PCDH15: variants seen among roughly 807,000 people sequenced by gnomAD.
PCDH15 encodes the protein protocadherin-15.
PCDH15 carries 129 observed loss-of-function variants against 178.5 expected under a neutral mutation model. The observed-to-expected ratio is 0.72, with a 90% CI of 0.63 to 0.84. The LOEUF (loss-of-function observed/expected upper bound fraction) is 0.84. PCDH15 is among the 40% of genes least tolerant of loss of function. The pLI is 0.00. For synonymous variants in PCDH15, 800 were observed against 732.0 expected (o/e 1.09, Z -1.50); for missense variants, 2,230 against 2,099.9 (o/e 1.06, Z -1.21).
chr10:54,895,747 A>G (rs1954533906), intron 3 of PCDH15, among the ~76,000 whole-genome samples: 1 of 152,166 alleles, frequency 6.6e-6, no homozygotes, highest in South Asian at 2.1e-4. Context: ...AATAGTTCTT[A>G]TTATTTTGAG....
chr10:54,271,262 G>A (rs2058030595), intron 8 of PCDH15, among the ~76,000 whole-genome samples: 1 of 152,106 alleles, frequency 6.6e-6, no homozygotes, highest in Non-Finnish European at 1.5e-5. Context: ...CTAGGCTGAA[G>A]TACAATGGTG....
intron 3 of PCDH15, among the ~76,000 whole-genome samples, chr10:54,427,241 T>C (rs1254362986): frequency 2.0e-5 from 3 of 150,664 alleles, no homozygotes; most frequent in South Asian, 4.2e-4. Context: ...TCTTCAGACT[T>C]TTCCTCTCAT....
rs1403135135 is a variant in PCDH15 at position 55,529,272 on chromosome 10, T to TTTTGGTG, written c.-156+98352_-156+98353insCACCAAA. 1.9e-3 allele frequency among the ~76,000 whole-genome samples: 294 copies of TTTTGGTG among 152,272 alleles called. 10 individuals carry two copies. In the East Asian group the frequency reaches 0.051, roughly 27 times the overall value. ...CAATTTTGGCTTTTGTTGTCATTGCTTCTGGTGTTTTAGACATGAAGTCTT... is the reference window on the plus strand; with the variant it reads ...CAATTTTGGCTTTTGTTGTCATTGCTTTTGGTGTCTGGTGTTTTAGACATGAAGTCTT... On this transcript the variant is annotated intron_variant, in intron 2 of 5. Transcript: ENST00000613346.
intron 14 of PCDH15, among the ~76,000 whole-genome samples, chr10:54,145,319 C>T (rs760753871): frequency 6.6e-6 from 1 of 151,862 alleles, no homozygotes; most frequent in Admixed American, 6.6e-5. Context: ...TACAAGGAGT[C>T]TATTTGTAAT....
At chr10:54,373,257 A>T (rs1163387061) in intron 4 of PCDH15, among the ~76,000 whole-genome samples, 2 of 143,166 alleles carry the variant, frequency 1.4e-5, no homozygotes, top group Non-Finnish European at 3.1e-5. Context: ...GTATAGGCAA[A>T]GTTTGTCTAA....
chr10:53,977,977 A>G (rs1185702047), intron 21 of PCDH15, among the ~76,000 whole-genome samples: 2 of 152,028 alleles, frequency 1.3e-5, no homozygotes, highest in Non-Finnish European at 2.9e-5. Flanking sequence ...GGACAGCACT[A>G]CCCTTATGGC....
chr10:55,559,826 A>T (rs1842160328), intron 2 of PCDH15, among the ~76,000 whole-genome samples: 2 of 151,922 alleles, frequency 1.3e-5, no homozygotes, highest in South Asian at 4.1e-4. Flanking sequence ...TTTTCCTAAT[A>T]AAGAAAAATG....
At chr10:54,086,525 G>A (rs1202927223) in intron 16 of PCDH15, among the ~76,000 whole-genome samples, 1 of 152,148 alleles carries the variant, frequency 6.6e-6, no homozygotes, top group Non-Finnish European at 1.5e-5. Context: ...TTTTGAACAT[G>A]AATCTCAGAA....
Position 54,079,381 on chromosome 10 carries a change from T to A in PCDH15, c.2041A>T (p.Thr681Ser). The change falls in exon 17 of 38, where the codon ACT (threonine) becomes TCT (serine). Residue 681 changes from threonine to serine, a missense_variant. Transcript: ENST00000644397. ...GTGATGATCAGAATGTAGCGATCAGTGCTTTCCCTGTCCAGTGCTTTCCCT... is the reference window on the plus strand; with the variant it reads ...GTGATGATCAGAATGTAGCGATCAGAGCTTTCCCTGTCCAGTGCTTTCCCT... ...TLGKALDRES[T>S]DRYILIITAS... 6.2e-7 allele frequency: 1 copy of A among 1,614,106 alleles called. No homozygotes were observed. Among genetic ancestry groups the A allele is most frequent in the Non-Finnish European group, 8.5e-7 (1 of 1,179,960 alleles).
intron 2 of PCDH15, among the ~76,000 whole-genome samples, chr10:55,363,990 T>C (rs1845292842): frequency 6.6e-6 from 1 of 152,030 alleles, no homozygotes. Flanking sequence ...ATAATCCCCA[T>C]ATGTCAACGG....
At chr10:55,432,776 A>AAT (rs34512028) in intron 2 of PCDH15, among the ~76,000 whole-genome samples, 4,056 of 147,840 alleles carry the variant, frequency 0.027, 83 homozygotes, top group Non-Finnish European at 0.042. Context: ...ACGCCCGGCT[A>AAT]ATATATATAT....
intron 2 of PCDH15, among the ~76,000 whole-genome samples, chr10:55,438,981 C>G (rs1589028381): frequency 6.6e-6 from 1 of 152,052 alleles, no homozygotes; most frequent in South Asian, 2.1e-4. Context: ...TCACTACAAG[C>G]TCCGCCTCCC....
chr10:54,417,817 T>C (rs535388064), intron 3 of PCDH15, among the ~76,000 whole-genome samples: 2 of 152,332 alleles, frequency 1.3e-5, no homozygotes, highest in South Asian at 4.1e-4. Context: ...CACAATGCTA[T>C]GACTGTATTA....
chr10:55,235,737 T>C (rs1012548608), intron 1 of PCDH15, among the ~76,000 whole-genome samples: 1 of 151,830 alleles, frequency 6.6e-6, no homozygotes, highest in African/African-American at 2.4e-5. Context: ...TGAAACCCTG[T>C]CTCTACTACA....
chr10:54,125,679 A>G (rs1250109878), intron 15 of PCDH15, among the ~76,000 whole-genome samples: 1 of 152,148 alleles, frequency 6.6e-6, no homozygotes, highest in East Asian at 1.9e-4. Context: ...TCTCTTTGAC[A>G]TAGGAAAAGT....
At chr10:54,202,799 C>T (rs901064735) in intron 10 of PCDH15, among the ~76,000 whole-genome samples, 5 of 114,168 alleles carry the variant, frequency 4.4e-5, no homozygotes, top group Admixed American at 2.3e-4. Context: ...GCAACAAGAG[C>T]GAAACCCCAC....
At chr10:54,012,599 A>G (rs77361278) in intron 20 of PCDH15, among the ~76,000 whole-genome samples, 2 of 152,208 alleles carry the variant, frequency 1.3e-5, no homozygotes, top group African/African-American at 4.8e-5. Context: ...TGGACCTTTC[A>G]GCAGAAACCC....
At chr10:54,508,725 C>T (rs904126611) in intron 3 of PCDH15, among the ~76,000 whole-genome samples, 1 of 152,040 alleles carries the variant, frequency 6.6e-6, no homozygotes, top group African/African-American at 2.4e-5. Flanking sequence ...TAAAATTAAT[C>T]GCCGGATGAT....
intron 2 of PCDH15, among the ~76,000 whole-genome samples, chr10:55,070,352 C>A (rs1841698965): frequency 6.6e-6 from 1 of 151,534 alleles, no homozygotes. Context: ...AAGTCCTTGC[C>A]CATGCCTATG....
Sources: gnomAD v4.1 joint callset for allele counts (sites outside exome capture counted in the v4.1 genomes callset) on GRCh38, gnomAD v4.1.1 for gene constraint, MANE v1.5 for transcripts, NCBI Gene and HGNC (gene_info 2026-07-23, HGNC 2026-07-21) for gene names.